Variants in OR7G2 observed in about 807,000 individuals in gnomAD.
The protein encoded by OR7G2 is olfactory receptor family 7 subfamily G member 2.
For synonymous variants in OR7G2, 153 were observed against 152.2 expected, an observed-to-expected ratio of 1.01 and a Z score of -0.04; for missense variants, 362 against 384.0, an observed-to-expected ratio of 0.94 and a Z score of 0.48.
Position 9,102,971 on chromosome 19 carries a change from G to A in OR7G2, c.273C>T (p.Ser91=). The change falls in exon 2 of 2, where the codon AGC becomes AGT. Residue 91 remains serine (S), a synonymous_variant. Coordinates refer to ENST00000641081, the MANE Select transcript of OR7G2 (RefSeq NM_001005193.2). The part of the protein sequence containing the change: ...MLVNIQAQNR[S]ITYSGCLTQI... Reference sequence around the variant, plus strand: ...GGGTGAGGCAGCCTGAGTACGTGATGCTCCGATTCTGAGCTTGGATGTTCA... The same window carrying A: ...GGGTGAGGCAGCCTGAGTACGTGATACTCCGATTCTGAGCTTGGATGTTCA... The A allele has an allele frequency of 6.2e-7, 1 of 1,614,182 alleles. No individual in the cohort carries two copies. The highest frequency in any genetic ancestry group is 8.5e-7 in the Non-Finnish European group (1 of 1,180,024).
rs140509619 is a variant in OR7G2 at position 9,106,229 on chromosome 19, C to T, written c.-17+1085G>A. ...GATCAAGAGTTTGAGATCAGCCTGGCCAATATGGCGAAACCCCGTCTTTAC... is the reference window on the plus strand; with the variant it reads ...GATCAAGAGTTTGAGATCAGCCTGGTCAATATGGCGAAACCCCGTCTTTAC... On this transcript the variant is annotated intron_variant, in intron 1 of 1. Transcript: ENST00000641081. 1.3e-4 allele frequency among the ~76,000 whole-genome samples: 20 copies of T among 150,900 alleles called. No homozygotes were observed. The East Asian group carries it at 4.0e-3, about 30-fold the overall frequency.
chr19:9,106,830 A>T (rs2050389165), intron 1 of OR7G2, among the ~76,000 whole-genome samples: 1 of 150,842 alleles, frequency 6.6e-6, no homozygotes, highest in Non-Finnish European at 1.5e-5. Flanking sequence ...CACACACTTG[A>T]TCTATATTAT....
In OR7G2 at chr19:9,102,648, A is replaced by G. The variant is rs143089135; in HGVS notation, c.596T>C (p.Ile199Thr). The G allele has an allele frequency of 8.1e-6, 13 of 1,614,092 alleles. No individual in the cohort carries two copies. Among genetic ancestry groups the G allele is most frequent in the Non-Finnish European group, 1.1e-5 (13 of 1,180,050 alleles). Residue 199 changes from isoleucine to threonine, a missense_variant, in exon 2 of 2, where the codon ATA becomes ACA. Ile to Thr is a moderately conservative substitution (Grantham distance 89). Transcript: ENST00000641081. Reference sequence around the variant, plus strand: ...ACCAAATATGCAAGCTGCAAAATATATCAGGATGTTATTGATGAGGGTGTC... The same window carrying G: ...ACCAAATATGCAAGCTGCAAAATATGTCAGGATGTTATTGATGAGGGTGTC... ...CSDTLINNILIYFAACIFGGV... is the reference protein window; with the variant it reads ...CSDTLINNILTYFAACIFGGV...
intron 1 of OR7G2, 197 bp from the exon 2 acceptor site, chr19:9,103,456 C>A (rs919860150): frequency 2.5e-5 from 12 of 486,344 alleles, no homozygotes; most frequent in Non-Finnish European, 4.1e-5. Flanking sequence ...CAGTTCAAAA[C>A]ATTTACTTAG....
chr19:9,105,169 T>TA (rs1727830522), intron 1 of OR7G2, among the ~76,000 whole-genome samples: 2 of 151,860 alleles, frequency 1.3e-5, no homozygotes, highest in Non-Finnish European at 2.9e-5. Context: ...CGGGTTTCAC[T>TA]ATCTTAGCCA....
In OR7G2 at chr19:9,102,483, GCCCCAT is replaced by G. The variant is rs1457322005; in HGVS notation, c.755_760del (p.Tyr252_Ala254delinsSer). ...AGAACTAATGTACACCCCCAAACCT[GCCCCAT>G]AGAACAAGAGAACAATGGAGAGGTG... On this transcript the variant is annotated inframe_deletion, in exon 2 of 2. Transcript: ENST00000641081. 6.2e-7 allele frequency: 1 copy of G among 1,613,740 alleles called. No homozygotes were observed. Among genetic ancestry groups the G allele is most frequent in the Non-Finnish European group, 8.5e-7 (1 of 1,179,800 alleles).
At position 9,102,933 on chromosome 19, in the gene OR7G2, AC is replaced by A; in HGVS notation, c.310del (p.Val104SerfsTer33). 1 of 1,614,184 alleles carries A rather than the reference AC, an allele frequency of 6.2e-7. No individual in the cohort carries two copies. The highest frequency in any genetic ancestry group is 8.5e-7 in the Non-Finnish European group (1 of 1,180,034). ...ATTTTCCAAGCCAGCAAAAAACAAG[AC>A]AAAGCAGATCTGGGTGAGGCAGCCT... Reference protein sequence around the residue: ...YSGCLTQICFVLFFAGLENCL... With the variant: ...YSGCLTQICFXLFFAGLENCL... On this transcript the variant is annotated frameshift_variant, in exon 2 of 2. Coordinates refer to ENST00000641081, the MANE Select transcript of OR7G2 (RefSeq NM_001005193.2). LOFTEE classifies it low-confidence loss of function (END_TRUNC).
chr19:9,102,155 T>G lies in OR7G2; in HGVS notation c.*114A>C, dbSNP rs1600202998. ...AGGCGGAAGTTGCAGTGAGCCGAGG[T>G]CGTGCCATTGCACTCCAGCCTGGGA... On this transcript the variant is annotated 3_prime_UTR_variant, in exon 2 of 2. Transcript: ENST00000641081. 2 of 913,392 alleles carry G rather than the reference T, an allele frequency of 2.2e-6. No homozygotes were observed. The highest frequency in any genetic ancestry group is 3.3e-6 in the Non-Finnish European group (2 of 611,868). The allele number at this position is 913,392 out of a possible 1,614,324, so 56.6% of individuals were successfully genotyped here. A position where few individuals can be genotyped will look rare whatever the true frequency, so the allele number is the denominator to read the frequency against.
chr19:9,102,352 T>C lies in OR7G2; in HGVS notation c.892A>G (p.Lys298Glu), dbSNP rs1209105165. The C allele has an allele frequency of 6.2e-7, 1 of 1,613,920 alleles. No individual in the cohort carries two copies. The highest frequency in any genetic ancestry group is 8.5e-7 in the Non-Finnish European group (1 of 1,179,904). Residue 298 changes from lysine to glutamate, a missense_variant, in exon 2 of 2, where the codon AAA becomes GAA. Physicochemically the swap from Lys to Glu is moderately conservative, Grantham distance 56 (BLOSUM62 1). Transcript: ENST00000641081. ...FIYSLRNKDM[K>E]GTLRKFIGRI... ...CCTATGAACTTCCTCAAGGTTCCTT[T>C]CATGTCCTTATTCCTCAGACTATAG...
chr19:9,104,594 G>T (rs1349226052), intron 1 of OR7G2, among the ~76,000 whole-genome samples: 1 of 152,114 alleles, frequency 6.6e-6, no homozygotes, highest in East Asian at 1.9e-4. Context: ...TTGGGAGGCC[G>T]AGGCGGGCAG....
rs142974417 is a variant in OR7G2 at position 9,102,110 on chromosome 19, G to T, written c.*159C>A. On this transcript the variant is annotated 3_prime_UTR_variant, in exon 2 of 2. Coordinates refer to ENST00000641081, the MANE Select transcript of OR7G2 (RefSeq NM_001005193.2). ...CCCCACTACTCAGGAGGCTGAGGCA[G>T]GAGGATGGCTTGAACCCGGAGGCGG... The T allele has an allele frequency of 1.5e-3, 956 of 619,426 alleles. 9 individuals are homozygous for T. In the African/African-American group the frequency reaches 0.016, roughly 11 times the overall value. 38.4% of individuals were successfully genotyped at this position (619,426 alleles called of 1,614,324 possible).
chr19:9,105,214 T>C (rs2050379406), intron 1 of OR7G2, among the ~76,000 whole-genome samples: 1 of 152,062 alleles, frequency 6.6e-6, no homozygotes, highest in South Asian at 2.1e-4. Flanking sequence ...GTGATCCACC[T>C]GCCTCGGCCT....
At position 9,107,412 on chromosome 19, in the gene OR7G2, C is replaced by G. The variant is rs141208551; in HGVS notation, c.-115G>C. On this transcript the variant is annotated 5_prime_UTR_variant, in exon 1 of 2. Coordinates refer to ENST00000641081, the MANE Select transcript of OR7G2 (RefSeq NM_001005193.2). Reference sequence around the variant, plus strand: ...TGGAAGGAGGTTCTGATGCAGCTTCCGAGCTGGGTAAGAGATGTTCAGTGA... The same window carrying G: ...TGGAAGGAGGTTCTGATGCAGCTTCGGAGCTGGGTAAGAGATGTTCAGTGA... The G allele has an allele frequency of 2.0e-5, 3 of 152,112 alleles. No individual in the cohort carries two copies. Among genetic ancestry groups the G allele is most frequent in the Non-Finnish European group, 2.9e-5 (2 of 68,034 alleles). The allele number at this position is 152,112 out of a possible 1,614,324, so 9.4% of individuals were successfully genotyped here.
intron 1 of OR7G2, among the ~76,000 whole-genome samples, chr19:9,104,167 GTGA>G (rs1304967079): frequency 2.0e-5 from 3 of 152,170 alleles, no homozygotes; most frequent in African/African-American, 7.2e-5. Context: ...GATTACAGGT[GTGA>G]GCCATCACGC....
chr19:9,106,424 C>CA (rs34261571), intron 1 of OR7G2, among the ~76,000 whole-genome samples: 1,389 of 119,264 alleles, frequency 0.012, 15 homozygotes, highest in African/African-American at 0.034. Flanking sequence ...GACTGTGTCT[C>CA]AAAAAAAAAA....
chr19:9,103,174 G>A lies in OR7G2; in HGVS notation c.70C>T (p.Gln24Ter), dbSNP rs866290124. Reference sequence around the variant, plus strand: ...AGGAACAGGCTGAAAAGGACGGGCTGCAGTTCCGGATCCTCTATCAGTCCC... The same window carrying A: ...AGGAACAGGCTGAAAAGGACGGGCTACAGTTCCGGATCCTCTATCAGTCCC... The part of the protein sequence containing the change: ...LLGLIEDPEL[Q>*]PVLFSLFLSM... Residue 24 changes from glutamine to a stop codon, truncating the protein, a stop_gained, in exon 2 of 2, where the codon CAG (glutamine) becomes TAG (stop). Transcript: ENST00000641081. LOFTEE classifies it low-confidence loss of function (END_TRUNC). 6.2e-7 allele frequency: 1 copy of A among 1,614,148 alleles called. No homozygotes were observed. Among genetic ancestry groups the A allele is most frequent in the African/African-American group, 1.3e-5 (1 of 75,052 alleles).
In OR7G2 at chr19:9,103,865, TG is replaced by T. The variant is rs531766475; in HGVS notation, c.-16-607del. The stretch of plus-strand genomic sequence containing the variant: ...TTTTCTTAATCAAAAAATGTGGAAA[TG>T]TTTTTTTTTTTTTTTTTTCGGGAGA... On this transcript the variant is annotated intron_variant, in intron 1 of 1. Coordinates refer to ENST00000641081, the MANE Select transcript of OR7G2 (RefSeq NM_001005193.2). Among the ~76,000 whole-genome samples the T allele has an allele frequency of 2.7e-4, 32 of 116,684 alleles. No individual in the cohort carries two copies. The South Asian group carries it at 6.0e-3, about 22-fold the overall frequency. 76.5% of individuals were successfully genotyped at this position (116,684 alleles called of 152,430 possible). A position where few individuals can be genotyped will look rare whatever the true frequency, so the allele number is the denominator to read the frequency against.
intron 1 of OR7G2, among the ~76,000 whole-genome samples, chr19:9,106,962 T>C (rs936338622): frequency 1.4e-4 from 22 of 151,984 alleles, no homozygotes; most frequent in Non-Finnish European, 3.2e-4. Flanking sequence ...CCGGGTCCTT[T>C]GGGAGGCTGA....
In OR7G2 at chr19:9,103,147, A is replaced by G. The variant is rs2050365506; in HGVS notation, c.97T>C (p.Ser33Pro). 3.1e-6 allele frequency: 5 copies of G among 1,614,174 alleles called. No individual in the cohort carries two copies. The highest frequency in any genetic ancestry group is 1.1e-5 in the South Asian group (1 of 91,086). Residue 33 changes from serine to proline, a missense_variant, in exon 2 of 2, where the codon TCC becomes CCC. Transcript: ENST00000641081. ...LQPVLFSLFL[S>P]MYLVTILGNL... ...CCCAGGATGGTGACCAAGTACATGGACAGGAACAGGCTGAAAAGGACGGGC... is the reference window on the plus strand; with the variant it reads ...CCCAGGATGGTGACCAAGTACATGGGCAGGAACAGGCTGAAAAGGACGGGC...
Sources: allele counts gnomAD v4.1 joint callset (sites outside exome capture counted in the v4.1 genomes callset), GRCh38; gene constraint gnomAD v4.1.1; transcripts MANE v1.5; gene names NCBI Gene and HGNC (gene_info 2026-07-23, HGNC 2026-07-21).